Variants in IMPG1 observed in about 807,000 individuals in gnomAD.
The protein encoded by IMPG1 is interphotoreceptor matrix proteoglycan of 150 kDa.
Under a neutral mutation model 92.0 loss-of-function variants are expected in IMPG1, and 85 were observed. That is an observed-to-expected ratio of 0.92 (90% CI 0.78 to 1.11). The LOEUF is 1.11. Ranked by LOEUF, IMPG1 falls within the 50% of genes least tolerant of loss-of-function variation. IMPG1 has a pLI of 0.00. For synonymous variants in IMPG1, 367 were observed against 334.1 expected (o/e 1.10, Z -1.08); for missense variants, 1,022 against 956.0 (o/e 1.07, Z -0.91).
At chr6:75,970,230 T>C (rs1192999382) in intron 12 of IMPG1, among the ~76,000 whole-genome samples, 2 of 152,202 alleles carry the variant, frequency 1.3e-5, no homozygotes, top group Non-Finnish European at 2.9e-5. Flanking sequence ...AAATTATGCC[T>C]TTTCTAAGTG....
chr6:75,930,744 AG>A (rs1781651630), intron 15 of IMPG1, among the ~76,000 whole-genome samples: 1 of 152,170 alleles, frequency 6.6e-6, no homozygotes, highest in South Asian at 2.1e-4. Context: ...GCCCTACCTG[AG>A]CCCCATCCAG....
intron 5 of IMPG1, among the ~76,000 whole-genome samples, chr6:76,024,743 T>G (rs1227558039): frequency 2.0e-5 from 3 of 152,218 alleles, no homozygotes; most frequent in Non-Finnish European, 2.9e-5. Flanking sequence ...TCAGATACAA[T>G]GATGCAATGG....
intron 12 of IMPG1, among the ~76,000 whole-genome samples, chr6:75,975,353 G>A (rs78014827): frequency 6.6e-6 from 1 of 152,200 alleles, no homozygotes; most frequent in Non-Finnish European, 1.5e-5. Context: ...CTGATGTCCT[G>A]AAAAAATTAA....
intron 1 of IMPG1, among the ~76,000 whole-genome samples, chr6:76,045,441 CTTTTTTTTT>C (rs10700038): frequency 8.2e-6 from 1 of 122,440 alleles, no homozygotes; most frequent in Non-Finnish European, 1.7e-5. Flanking sequence ...CAACCTCCAT[CTTTTTTTTT>C]TTTTTTTTTT....
In IMPG1 at chr6:76,034,714, G is replaced by C; in HGVS notation, c.375C>G (p.Asp125Glu). 1.2e-6 allele frequency: 2 copies of C among 1,614,100 alleles called. No individual in the cohort carries two copies. The highest frequency in any genetic ancestry group is 2.2e-5 in the South Asian group (2 of 91,082). The change falls in exon 3 of 17, where the codon GAC (aspartate) becomes GAG (glutamate). Residue 125 changes from aspartate to glutamate, a missense_variant. By Grantham distance (45) the Asp-to-Glu change is conservative (BLOSUM62 2). Transcript: ENST00000369950. ...DRIPDTGEYQDWVSICQQETF... is the reference protein window; with the variant it reads ...DRIPDTGEYQEWVSICQQETF... The stretch of plus-strand genomic sequence containing the variant: ...TCTCCTGCTGGCAGATGCTGACCCA[G>C]TCCTGATATTCCCCTGTGTCAGGGA...
chr6:75,980,542 T>C (rs1782609844), intron 12 of IMPG1, among the ~76,000 whole-genome samples: 1 of 152,168 alleles, frequency 6.6e-6, no homozygotes, highest in Non-Finnish European at 1.5e-5. Flanking sequence ...GTGGCTAGGA[T>C]AAAGCAGGCA....
chr6:76,018,626 C>G (rs1229438258), intron 7 of IMPG1, 92 bp downstream of exon 7: 2 of 1,171,874 alleles, frequency 1.7e-6, no homozygotes, highest in Non-Finnish European at 2.4e-6. Context: ...CCAGGAGAAG[C>G]TGGAACTGTT....
chr6:76,027,695 C>T (rs919214780), intron 4 of IMPG1, among the ~76,000 whole-genome samples: 5 of 152,012 alleles, frequency 3.3e-5, no homozygotes, highest in Non-Finnish European at 5.9e-5. Context: ...TGGTTTTTTC[C>T]GTAAATTGAG....
chr6:75,981,966 G>C (rs886099235), intron 12 of IMPG1, among the ~76,000 whole-genome samples: 15 of 152,228 alleles, frequency 9.9e-5, no homozygotes, highest in South Asian at 2.1e-4. Flanking sequence ...TGCATTACAT[G>C]CCTGATTAAT....
At chr6:76,036,384 C>A (rs1419121483) in intron 2 of IMPG1, among the ~76,000 whole-genome samples, 1 of 152,136 alleles carries the variant, frequency 6.6e-6, no homozygotes, top group Non-Finnish European at 1.5e-5. Flanking sequence ...ATTGCATTTG[C>A]AATTTTGTAT....
chr6:75,989,205 C>T (rs990990115), intron 12 of IMPG1, among the ~76,000 whole-genome samples: 1 of 152,176 alleles, frequency 6.6e-6, no homozygotes, highest in Non-Finnish European at 1.5e-5. Flanking sequence ...CCTCCTGCCT[C>T]AGCCCCCCGA....
chr6:76,018,085 GT>G (rs1434891630), intron 7 of IMPG1, among the ~76,000 whole-genome samples: 1 of 152,170 alleles, frequency 6.6e-6, no homozygotes, highest in Non-Finnish European at 1.5e-5. Flanking sequence ...AAACACAGTG[GT>G]CCCTTTTTAT....
At chr6:75,978,106 A>C (rs1021666919) in intron 12 of IMPG1, among the ~76,000 whole-genome samples, 11 of 152,118 alleles carry the variant, frequency 7.2e-5, no homozygotes, top group Non-Finnish European at 1.0e-4. Context: ...CAAAGGTTTT[A>C]GTAAATATTA....
rs758038643 is a variant in IMPG1 at position 76,034,316 on chromosome 6, T to G, written c.496A>C (p.Arg166=). 12 of 1,613,312 alleles carry G rather than the reference T, an allele frequency of 7.4e-6. No homozygotes were observed. In the East Asian group the frequency reaches 2.7e-4, roughly 36 times the overall value. ...QRIKQRSFPD[R]KDEISAEKTL... ...ACACACTCTATTTTGGGTACTTGCC[T>G]GTCAGGGAAACTTCTCTGTTTTATT... Residue 166 remains arginine, a splice_region_variant and synonymous_variant, in exon 4 of 17, where the codon AGA becomes CGA. Transcript: ENST00000369950.
At chr6:75,985,864 A>G (rs1164484011) in intron 12 of IMPG1, among the ~76,000 whole-genome samples, 1 of 152,242 alleles carries the variant, frequency 6.6e-6, no homozygotes, top group Non-Finnish European at 1.5e-5. Context: ...AAAGTTAATA[A>G]AAGTGCTAAT....
intron 7 of IMPG1, among the ~76,000 whole-genome samples, chr6:76,016,315 T>C (rs1171764380): frequency 6.6e-6 from 1 of 152,192 alleles, no homozygotes; most frequent in East Asian, 1.9e-4. Context: ...GTTGTAAGTG[T>C]TTAGAAAATT....
chr6:75,973,057 G>A (rs1003287417), intron 12 of IMPG1, among the ~76,000 whole-genome samples: 4 of 152,128 alleles, frequency 2.6e-5, no homozygotes, highest in Middle Eastern at 3.4e-3. Context: ...ATGCAGCCTC[G>A]GCCTCCTGAG....
intron 1 of IMPG1, among the ~76,000 whole-genome samples, chr6:76,047,594 T>G (rs2127595513): frequency 6.6e-6 from 1 of 152,344 alleles, no homozygotes; most frequent in East Asian, 1.9e-4. Context: ...GGATCTGTAT[T>G]GTAATCTTGC....
intron 12 of IMPG1, among the ~76,000 whole-genome samples, chr6:75,983,151 G>T (rs934215144): frequency 3.3e-5 from 5 of 151,294 alleles, no homozygotes; most frequent in Admixed American, 2.6e-4. Flanking sequence ...ATAGATTTGG[G>T]TGCACAAGGA....
Sources: gnomAD v4.1 joint callset for allele counts (sites outside exome capture counted in the v4.1 genomes callset) on GRCh38, gnomAD v4.1.1 for gene constraint, MANE v1.5 for transcripts, NCBI Gene and HGNC (gene_info 2026-07-23, HGNC 2026-07-21) for gene names.